PARD3: variants seen among roughly 807,000 people sequenced by gnomAD.
The protein encoded by PARD3 is par-3 family cell polarity regulator.
PARD3 carries 75 observed loss-of-function variants against 155.4 expected under a neutral mutation model. The ratio of observed to expected loss-of-function variants is 0.48; its 90% CI spans 0.40 to 0.58. The LOEUF (loss-of-function observed/expected upper bound fraction) is 0.58. Among genes scored for constraint, PARD3 ranks in the 20% least tolerant of loss-of-function variants. PARD3 has a pLI of 0.00. For synonymous variants in PARD3, 576 were observed against 610.5 expected (o/e 0.94, Z 0.83); for missense variants, 1,642 against 1,721.7 (o/e 0.95, Z 0.82).
intron 2 of PARD3, among the ~76,000 whole-genome samples, chr10:34,602,785 C>T (rs542477790): frequency 8.5e-5 from 13 of 152,234 alleles, no homozygotes; most frequent in African/African-American, 3.1e-4. Flanking sequence ...TCTTCATGTG[C>T]GTGAAAGTTA....
intron 20 of PARD3, among the ~76,000 whole-genome samples, chr10:34,287,056 T>C (rs983685186): frequency 6.6e-6 from 1 of 151,746 alleles, no homozygotes; most frequent in African/African-American, 2.4e-5. Flanking sequence ...TTGGAGGACT[T>C]GGGGGTGAAG....
chr10:34,327,477 G>A (rs1186403050), intron 19 of PARD3, among the ~76,000 whole-genome samples: 1 of 152,206 alleles, frequency 6.6e-6, no homozygotes, highest in Non-Finnish European at 1.5e-5. Context: ...AGGCCAGCCT[G>A]TTCAGTGCCA....
chr10:34,419,702 T>C (rs1846009216), intron 5 of PARD3, among the ~76,000 whole-genome samples: 1 of 152,216 alleles, frequency 6.6e-6, no homozygotes, highest in African/African-American at 2.4e-5. Context: ...TGGTAAAGTA[T>C]ATAAAATACA....
intron 12 of PARD3, 109 bp from the exon 13 acceptor site, chr10:34,360,368 T>TTCCATGAAGGTTCCACAGCAAGA: frequency 1.4e-6 from 1 of 711,152 alleles, no homozygotes. Context: ...GGCAAAATAT[T>TTCCATGAAGGTTCCACAGCAAGA]TCCATGAAGG....
chr10:34,196,643 G>A (rs1249643530), intron 22 of PARD3, among the ~76,000 whole-genome samples: 6 of 133,654 alleles, frequency 4.5e-5, no homozygotes, highest in South Asian at 4.8e-4. Flanking sequence ...GCTCGATCTT[G>A]GCTCACTGCA....
intron 3 of PARD3, among the ~76,000 whole-genome samples, chr10:34,493,898 T>C (rs2080092822): frequency 6.6e-6 from 1 of 152,202 alleles, no homozygotes; most frequent in African/African-American, 2.4e-5. Context: ...ATCATGGAAA[T>C]ACCATATTAC....
intron 22 of PARD3, among the ~76,000 whole-genome samples, chr10:34,231,577 C>T (rs1952935149): frequency 6.6e-6 from 1 of 152,018 alleles, no homozygotes; most frequent in African/African-American, 2.4e-5. Context: ...AATGTCTCTA[C>T]CACTCCCCCT....
At chr10:34,500,983 G>A (rs1375736446) in intron 3 of PARD3, among the ~76,000 whole-genome samples, 1 of 151,994 alleles carries the variant, frequency 6.6e-6, no homozygotes, top group Non-Finnish European at 1.5e-5. Flanking sequence ...ACTTTTAATT[G>A]TGCAAAAGAG....
At chr10:34,647,329 G>A (rs1402123318) in intron 2 of PARD3, among the ~76,000 whole-genome samples, 1 of 152,192 alleles carries the variant, frequency 6.6e-6, no homozygotes, top group Non-Finnish European at 1.5e-5. Flanking sequence ...ACAGTAGTAT[G>A]TACTCACTGA....
At chr10:34,437,322 A>C (rs1057147278) in intron 5 of PARD3, among the ~76,000 whole-genome samples, 3 of 152,178 alleles carry the variant, frequency 2.0e-5, no homozygotes, top group African/African-American at 7.2e-5. Flanking sequence ...CAATACCATA[A>C]TGAAGAATAT....
At chr10:34,573,721 A>T (rs1679354426) in intron 2 of PARD3, among the ~76,000 whole-genome samples, 2 of 116,082 alleles carry the variant, frequency 1.7e-5, no homozygotes, top group African/African-American at 9.0e-5. Context: ...ACAAACAAAC[A>T]AACAAACAAA....
At chr10:34,634,841 G>A (rs996533395) in intron 2 of PARD3, among the ~76,000 whole-genome samples, 1 of 152,204 alleles carries the variant, frequency 6.6e-6, no homozygotes, top group Non-Finnish European at 1.5e-5. Flanking sequence ...TGAAGCTGGA[G>A]TGCTGGGAAC....
At chr10:34,665,645 C>T (rs1757041055) in intron 2 of PARD3, among the ~76,000 whole-genome samples, 1 of 152,146 alleles carries the variant, frequency 6.6e-6, no homozygotes, top group African/African-American at 2.4e-5. Flanking sequence ...CCAGACCAGC[C>T]TGGCCAATAT....
At chr10:34,586,862 T>C (rs2088108592) in intron 2 of PARD3, among the ~76,000 whole-genome samples, 1 of 152,062 alleles carries the variant, frequency 6.6e-6, no homozygotes, top group African/African-American at 2.4e-5. Flanking sequence ...GGCAGGAGAA[T>C]CGCTTGAACC....
intron 22 of PARD3, among the ~76,000 whole-genome samples, chr10:34,172,045 T>G (rs928324778): frequency 6.6e-6 from 1 of 151,728 alleles, no homozygotes; most frequent in South Asian, 2.1e-4. Flanking sequence ...TCTTCCCATT[T>G]CTCTTTTTCC....
At position 34,450,753 on chromosome 10, in the gene PARD3, C is replaced by T. The variant is rs184613465; in HGVS notation, c.583-305G>A. ...CAATCACCTAAACCAAGTACGTACA[C>T]CAAAAAGTGAAAAGTACTTCTATAC... is the stretch of plus-strand genomic sequence containing the variant. On this transcript the variant is annotated intron_variant, in intron 4 of 24. Transcript: ENST00000374788. 7.8e-4 allele frequency among the ~76,000 whole-genome samples: 118 copies of T among 152,046 alleles called. 2 individuals carry two copies. Among genetic ancestry groups the T allele is most frequent in the Non-Finnish European group, 1.2e-3 (84 of 68,010 alleles).
At chr10:34,371,849 C>T (rs1840700780) in intron 12 of PARD3, among the ~76,000 whole-genome samples, 2 of 152,048 alleles carry the variant, frequency 1.3e-5, no homozygotes, top group South Asian at 4.2e-4. Flanking sequence ...TATAGCGCAT[C>T]ATCACAGAGA....
chr10:34,767,266 C>T (rs557823718), intron 1 of PARD3, among the ~76,000 whole-genome samples: 1 of 152,270 alleles, frequency 6.6e-6, no homozygotes, highest in South Asian at 2.1e-4. Context: ...TAGTAAGAAA[C>T]ACGCTGAAGA....
At chr10:34,615,676 G>A (rs1482785711) in intron 2 of PARD3, among the ~76,000 whole-genome samples, 1 of 152,152 alleles carries the variant, frequency 6.6e-6, no homozygotes, top group Non-Finnish European at 1.5e-5. Context: ...TACAGAATGG[G>A]AGAAAATATG....
Sources: gnomAD v4.1 joint callset for allele counts (sites outside exome capture counted in the v4.1 genomes callset) on GRCh38, gnomAD v4.1.1 for gene constraint, MANE v1.5 for transcripts, NCBI Gene and HGNC (gene_info 2026-07-23, HGNC 2026-07-21) for gene names.